Variants in SLC33A1 observed in about 807,000 individuals in gnomAD.
SLC33A1 encodes the protein solute carrier family 33 member 1, also known as acetyl-coenzyme A transporter 1.
SLC33A1 carries 20 observed loss-of-function variants against 50.0 expected under a neutral mutation model. The observed-to-expected ratio is 0.40, with a 90% confidence interval of 0.28 to 0.58. The LOEUF (loss-of-function observed/expected upper bound fraction) is 0.58. Ranked by LOEUF, SLC33A1 falls within the 20% of genes least tolerant of loss-of-function variation. The pLI is 0.44. For missense variants in SLC33A1, 476 were observed against 657.0 expected (o/e 0.72, Z 3.01); for synonymous variants, 265 against 251.8 (o/e 1.05, Z -0.50).
intron 2 of SLC33A1, among the ~76,000 whole-genome samples, chr3:155,841,734 T>TTTATTTATTTA (rs1560018432): frequency 5.3e-5 from 8 of 151,720 alleles, no homozygotes; most frequent in African/African-American, 1.9e-4. Context: ...TTCTATATCT[T>TTTATTTATTTA]TTTATTTATT....
chr3:155,824,857 T>G lies in SLC33A1; in HGVS notation c.*3353A>C, dbSNP rs1433233381. 4 of 152,202 alleles carry G rather than the reference T, an allele frequency of 2.6e-5. No individual in the cohort carries two copies. The highest frequency in any genetic ancestry group is 9.7e-5 in the African/African-American group (4 of 41,450). 9.4% of individuals were successfully genotyped at this position (152,202 alleles called of 1,614,324 possible). A position where few individuals can be genotyped will look rare whatever the true frequency, so the allele number is the denominator to read the frequency against. ...GTGAAATCCAAAAATTACTTTCGAT[T>G]TCAAAGGTTTAATATTTTTAAAAAA... On this transcript the variant is annotated 3_prime_UTR_variant, in exon 6 of 6. Transcript: ENST00000643144.
Position 155,833,714 on chromosome 3 carries a change from A to T in SLC33A1, c.1149-129T>A, listed in dbSNP as rs536403758. 2.7e-4 allele frequency: 258 copies of T among 938,268 alleles called. 2 individuals carry two copies. In the South Asian group the frequency reaches 3.5e-3, roughly 13 times the overall value. 58.1% of individuals were successfully genotyped at this position (938,268 alleles called of 1,614,324 possible). On this transcript the variant is annotated intron_variant, in intron 3 of 5. Transcript: ENST00000643144. Reference sequence around the variant, plus strand: ...AACCTGTTAGGAGGTTAAAAAGATAAAAGTGCATATAAATAATATTGAAAA... The same window carrying T: ...AACCTGTTAGGAGGTTAAAAAGATATAAGTGCATATAAATAATATTGAAAA...
intron 1 of SLC33A1, among the ~76,000 whole-genome samples, chr3:155,846,553 A>C (rs953390831): frequency 3.3e-5 from 5 of 151,436 alleles, no homozygotes; most frequent in Admixed American, 2.6e-4. Context: ...TCCCAGGTTC[A>C]AGTGATTCTC....
chr3:155,834,033 A>G lies in SLC33A1; in HGVS notation c.972T>C (p.Phe324=), dbSNP rs139561128. The G allele has an allele frequency of 6.8e-6, 11 of 1,613,356 alleles. No individual in the cohort carries two copies. The highest frequency in any genetic ancestry group is 9.3e-6 in the Non-Finnish European group (11 of 1,179,528). Residue 324 remains phenylalanine, a synonymous_variant, in exon 3 of 6, where the codon TTT becomes TTC. Transcript: ENST00000643144. ...CLLILTAKIG[F]SAADAVTGLK... is the part of the protein sequence containing the mutation. The stretch of plus-strand genomic sequence containing the variant: ...GTCCTGTTACAGCATCTGCTGCTGA[A>G]AAACCAATCTGCAATATAAAAACAA...
chr3:155,846,883 T>C (rs1208853082), intron 1 of SLC33A1, among the ~76,000 whole-genome samples: 1 of 152,182 alleles, frequency 6.6e-6, no homozygotes. Context: ...GAATTCATTT[T>C]ATTCAATAAA....
rs1405423251 is a variant in SLC33A1, at chr3:155,823,429, G to A, written c.*4781C>T. 6.6e-6 allele frequency: 1 copy of A among 152,124 alleles called. No homozygotes were observed. The highest frequency in any genetic ancestry group is 1.5e-5 in the Non-Finnish European group (1 of 68,038). The allele number at this position is 152,124 out of a possible 1,614,324, so 9.4% of individuals were successfully genotyped here. A position where few individuals can be genotyped will look rare whatever the true frequency, so the allele number is the denominator to read the frequency against. On this transcript the variant is annotated 3_prime_UTR_variant, in exon 6 of 6. Transcript: ENST00000643144. Reference sequence around the variant, plus strand: ...TCACGCCTGTAATCCCAGCACTTTAGGAGGCCAAGGCGGGAAGATCACCTA... The same window carrying A: ...TCACGCCTGTAATCCCAGCACTTTAAGAGGCCAAGGCGGGAAGATCACCTA...
In SLC33A1 at chr3:155,828,176, A is replaced by C; in HGVS notation, c.*34T>G. 6.7e-7 allele frequency: 1 copy of C among 1,495,284 alleles called. No individual in the cohort carries two copies. The highest frequency in any genetic ancestry group is 9.3e-7 in the Non-Finnish European group (1 of 1,071,980). 92.6% of individuals were successfully genotyped at this position (1,495,284 alleles called of 1,614,324 possible). A position where few individuals can be genotyped will look rare whatever the true frequency, so the allele number is the denominator to read the frequency against. Reference sequence around the variant, plus strand: ...GCTCTCCGAATTAAAACTAAACTACAATTACCTTGCTAGAATGTCCAGTAG... The same window carrying C: ...GCTCTCCGAATTAAAACTAAACTACCATTACCTTGCTAGAATGTCCAGTAG... On this transcript the variant is annotated 3_prime_UTR_variant, in exon 6 of 6. Coordinates refer to ENST00000643144, the MANE Select transcript of SLC33A1 (RefSeq NM_004733.4).
At chr3:155,846,091 C>T (rs1000632340) in intron 1 of SLC33A1, among the ~76,000 whole-genome samples, 3 of 152,182 alleles carry the variant, frequency 2.0e-5, no homozygotes, top group Non-Finnish European at 2.9e-5. Flanking sequence ...AAATTAAGAG[C>T]ATGTAACAAT....
chr3:155,853,687 A>G lies in SLC33A1; in HGVS notation c.311T>C (p.Val104Ala), dbSNP rs1028028437. Residue 104 changes from valine to alanine, a missense_variant, in exon 1 of 6, where the codon GTT becomes GCT. Coordinates refer to ENST00000643144, the MANE Select transcript of SLC33A1 (RefSeq NM_004733.4). Reference protein sequence around the residue: ...SIPLILQSKNVSYTDQAFFSF... With the variant: ...SIPLILQSKNASYTDQAFFSF... Reference sequence around the variant, plus strand: ...GAAGAAAGCTTGGTCTGTATAGCTAACATTTTTGCTTTGCAAAATGAGTGG... The same window carrying G: ...GAAGAAAGCTTGGTCTGTATAGCTAGCATTTTTGCTTTGCAAAATGAGTGG... 4.3e-6 allele frequency: 7 copies of G among 1,614,058 alleles called. No individual in the cohort carries two copies. The highest frequency in any genetic ancestry group is 5.9e-6 in the Non-Finnish European group (7 of 1,180,032).
rs1484425261 is a variant in SLC33A1 at position 155,827,398 on chromosome 3, TC to T, written c.*811del. 1.3e-5 allele frequency: 2 copies of T among 152,108 alleles called. No individual in the cohort carries two copies. Among genetic ancestry groups the T allele is most frequent in the Admixed American group, 1.3e-4 (2 of 15,268 alleles). The allele number at this position is 152,108 out of a possible 1,614,324, so 9.4% of individuals were successfully genotyped here. Reference sequence around the variant, plus strand: ...AACATACATACAACACTGAATTTGATCCCCTCCATTGGCTGTCTGTGTGCCA... The same window carrying T: ...AACATACATACAACACTGAATTTGATCCCTCCATTGGCTGTCTGTGTGCCA... On this transcript the variant is annotated 3_prime_UTR_variant, in exon 6 of 6. Transcript: ENST00000643144.
intron 2 of SLC33A1, among the ~76,000 whole-genome samples, chr3:155,840,797 A>G (rs770402891): frequency 7.2e-5 from 11 of 152,030 alleles, no homozygotes; most frequent in Non-Finnish European, 1.5e-4. Context: ...CTGGGCAATA[A>G]GAGTGAAACT....
At chr3:155,840,995 A>C (rs1752916156) in intron 2 of SLC33A1, among the ~76,000 whole-genome samples, 2 of 151,538 alleles carry the variant, frequency 1.3e-5, no homozygotes, top group South Asian at 4.2e-4. Flanking sequence ...AAAAAAATAT[A>C]TATATATATT....
rs1436055857 is a variant in SLC33A1 at position 155,827,184 on chromosome 3, ATTAGAT to A, written c.*1020_*1025del. On this transcript the variant is annotated 3_prime_UTR_variant, in exon 6 of 6. Coordinates refer to ENST00000643144, the MANE Select transcript of SLC33A1 (RefSeq NM_004733.4). The stretch of plus-strand genomic sequence containing the variant: ...CTTAATTAAGAAACATTTTTCCACT[ATTAGAT>A]TTAATTTGTCAAAGGCACAAAATAT... 3 of 152,214 alleles carry A rather than the reference ATTAGAT, an allele frequency of 2.0e-5. No homozygotes were observed. Among genetic ancestry groups the A allele is most frequent in the Admixed American group, 2.0e-4 (3 of 15,280 alleles). The allele number at this position is 152,214 out of a possible 1,614,324, so 9.4% of individuals were successfully genotyped here.
rs758445379 is a variant in SLC33A1 at position 155,833,915 on chromosome 3, T to C, written c.1090A>G (p.Ser364Gly). Residue 364 changes from serine (S) to glycine (G), a missense_variant, in exon 3 of 6, where the codon AGC becomes GGC. By Grantham distance (56) the Ser-to-Gly change is moderately conservative (BLOSUM62 0). Transcript: ENST00000643144. ...PLQIILPLII[S>G]KYTAGPQPLN... ...GGCTGGGGACCTGCAGTGTATTTGC[T>C]GATAATCAGAGGCAGTATTATCTGC... The C allele has an allele frequency of 1.9e-6, 3 of 1,613,668 alleles. No individual in the cohort carries two copies. The highest frequency in any genetic ancestry group is 1.3e-5 in the African/African-American group (1 of 74,926).
chr3:155,852,422 T>G (rs1054514123), intron 1 of SLC33A1, among the ~76,000 whole-genome samples: 3 of 152,226 alleles, frequency 2.0e-5, no homozygotes, highest in African/African-American at 7.2e-5. Flanking sequence ...AGGACAAACT[T>G]TAAACTCTTT....
At chr3:155,833,730 A>G in intron 3 of SLC33A1, 127 bp downstream of exon 3, 1 of 968,102 alleles carries the variant, frequency 1.0e-6, no homozygotes, top group South Asian at 1.4e-5. Context: ...CATATAAATA[A>G]TATTGAAAAA....
chr3:155,835,673 C>T (rs934391136), intron 2 of SLC33A1, among the ~76,000 whole-genome samples: 12 of 152,156 alleles, frequency 7.9e-5, no homozygotes, highest in Admixed American at 6.5e-4. Context: ...AGGGTGGGGG[C>T]TGCCAGAAAT....
chr3:155,840,081 TTTAA>T (rs1343150658), intron 2 of SLC33A1, among the ~76,000 whole-genome samples: 1 of 151,974 alleles, frequency 6.6e-6, no homozygotes, highest in Non-Finnish European at 1.5e-5. Context: ...ACTGTTTTTT[TTTAA>T]TTAATTTATT....
chr3:155,844,487 G>T (rs1171695611), intron 1 of SLC33A1, among the ~76,000 whole-genome samples: 2 of 34,956 alleles, frequency 5.7e-5, no homozygotes, highest in South Asian at 1.5e-3. Context: ...TTTTTTTTTT[G>T]AGACGGAGTC....
Sources: gnomAD v4.1 joint callset for allele counts (sites outside exome capture counted in the v4.1 genomes callset) on GRCh38, gnomAD v4.1.1 for gene constraint, MANE v1.5 for transcripts, NCBI Gene and HGNC (gene_info 2026-07-23, HGNC 2026-07-21) for gene names.